Variants in GABRG3 observed in about 807,000 individuals in gnomAD.
GABRG3 encodes gamma-aminobutyric acid receptor subunit gamma-3.
A neutral mutation model predicts 48.8 loss-of-function variants in GABRG3; 25 were observed. The observed-to-expected ratio is 0.51, with a 90% confidence interval of 0.37 to 0.72. GABRG3 has a LOEUF of 0.72. Ranked by LOEUF, GABRG3 falls within the 30% of genes least tolerant of loss-of-function variation. The pLI is 0.00. For missense variants in GABRG3, 394 were observed against 577.9 expected (o/e 0.68, Z 3.26); for synonymous variants, 227 against 217.6 (o/e 1.04, Z -0.38).
intron 4 of GABRG3, 42 bp from the exon 5 acceptor site, chr15:27,328,764 G>A (rs182948702): frequency 2.5e-6 from 4 of 1,579,808 alleles, no homozygotes; most frequent in Non-Finnish European, 1.7e-6. Flanking sequence ...GCCTTGCCCT[G>A]TGCTGTGTGC....
intron 3 of GABRG3, among the ~76,000 whole-genome samples, chr15:27,132,046 G>A (rs1447692741): frequency 6.6e-6 from 1 of 152,032 alleles, no homozygotes; most frequent in Non-Finnish European, 1.5e-5. Flanking sequence ...CTTGTCAGAT[G>A]TATAATTTGC....
chr15:27,425,457 A>C (rs1352924178), intron 5 of GABRG3, among the ~76,000 whole-genome samples: 1 of 149,972 alleles, frequency 6.7e-6, no homozygotes, highest in African/African-American at 2.5e-5. Flanking sequence ...ACAAAAAAAA[A>C]AAAAAAAAAT....
At chr15:27,232,860 T>C (rs966678) in intron 3 of GABRG3, among the ~76,000 whole-genome samples, 48,817 of 152,114 alleles carry the variant, frequency 0.32, 10,336 homozygotes, top group African/African-American at 0.6. Context: ...GTTAAATTTG[T>C]TCCCGTGATC....
chr15:27,386,895 A>T (rs1406498055), intron 5 of GABRG3, among the ~76,000 whole-genome samples: 5 of 152,226 alleles, frequency 3.3e-5, no homozygotes, highest in Non-Finnish European at 7.3e-5. Context: ...TTTCAGAAAA[A>T]TGGAATCACA....
At chr15:27,219,366 C>G (rs911586103) in intron 3 of GABRG3, among the ~76,000 whole-genome samples, 7 of 152,330 alleles carry the variant, frequency 4.6e-5, no homozygotes, top group African/African-American at 1.7e-4. Flanking sequence ...CCCTCCCTTA[C>G]TCTGAGTCAG....
intron 3 of GABRG3, among the ~76,000 whole-genome samples, chr15:27,078,676 A>C (rs1336321171): frequency 1.3e-5 from 2 of 152,150 alleles, no homozygotes; most frequent in Non-Finnish European, 1.5e-5. Flanking sequence ...GGATAATAAG[A>C]GTGTCTTCTT....
intron 5 of GABRG3, chr15:27,420,615 A>G (rs969351855): frequency 3.3e-4 from 50 of 152,222 alleles, no homozygotes; most frequent in African/African-American, 1.2e-3. Context: ...ATCTTTTCAC[A>G]GTGTATACAT....
At chr15:27,530,923 G>A (rs1364183618) in intron 9 of GABRG3, 6 of 338,002 alleles carry the variant, frequency 1.8e-5, no homozygotes, top group East Asian at 7.8e-5. Flanking sequence ...TCTTTCAACC[G>A]GAGGTTGTCA....
At chr15:27,288,649 G>T (rs1316963659) in intron 3 of GABRG3, among the ~76,000 whole-genome samples, 1 of 151,628 alleles carries the variant, frequency 6.6e-6, no homozygotes, top group African/African-American at 2.4e-5. Context: ...GGAGGTGGAG[G>T]TTGCAGTGAG....
At chr15:27,500,859 C>T (rs536827719) in intron 6 of GABRG3, among the ~76,000 whole-genome samples, 1 of 150,480 alleles carries the variant, frequency 6.6e-6, no homozygotes, top group South Asian at 2.1e-4. Flanking sequence ...AAAAATTAAT[C>T]CAGGAATCTT....
At chr15:27,078,451 A>G (rs568845453) in intron 3 of GABRG3, among the ~76,000 whole-genome samples, 9 of 152,316 alleles carry the variant, frequency 5.9e-5, no homozygotes, top group Admixed American at 3.3e-4. Flanking sequence ...TAGCTCTTCT[A>G]TATGCTATGG....
intron 2 of GABRG3, among the ~76,000 whole-genome samples, chr15:26,992,689 TG>T (rs1895270766): frequency 6.6e-6 from 1 of 152,144 alleles, no homozygotes; most frequent in Admixed American, 6.5e-5. Flanking sequence ...TTTTTTTTGA[TG>T]TGTCTTTATT....
intron 5 of GABRG3, among the ~76,000 whole-genome samples, chr15:27,421,000 AAAG>A (rs796276471): frequency 8.1e-4 from 124 of 152,332 alleles, no homozygotes; most frequent in African/African-American, 2.8e-3. Context: ...AACAAACAAA[AAAG>A]AAACTCTTAA....
intron 2 of GABRG3, among the ~76,000 whole-genome samples, chr15:27,023,486 C>T (rs1336557162): frequency 2.6e-5 from 4 of 152,170 alleles, no homozygotes; most frequent in African/African-American, 9.7e-5. Context: ...TCCCCAGTCC[C>T]TGGAAACCAA....
intron 5 of GABRG3, among the ~76,000 whole-genome samples, chr15:27,458,839 G>C (rs1254419938): frequency 6.6e-6 from 1 of 152,216 alleles, no homozygotes; most frequent in Non-Finnish European, 1.5e-5. Flanking sequence ...CAGTCTTCTA[G>C]ATGAGCTCGG....
At chr15:27,520,207 C>G in intron 7 of GABRG3, 83 bp downstream of exon 7, 1 of 1,301,368 alleles carries the variant, frequency 7.7e-7, no homozygotes, top group Non-Finnish European at 1.1e-6. Flanking sequence ...ATGTAAAAGA[C>G]TATTTAAATG....
chr15:26,977,575 A>C (rs1894975331), intron 2 of GABRG3, among the ~76,000 whole-genome samples: 1 of 152,120 alleles, frequency 6.6e-6, no homozygotes, highest in African/African-American at 2.4e-5. Context: ...ACATGGAATC[A>C]TTGACCTTTT....
chr15:27,293,725 A>T (rs1183372267), intron 3 of GABRG3, among the ~76,000 whole-genome samples: 1 of 152,070 alleles, frequency 6.6e-6, no homozygotes, highest in Non-Finnish European at 1.5e-5. Flanking sequence ...GAGAGCTGGA[A>T]GGCACTTTAG....
At chr15:27,265,921 C>T (rs1303504861) in intron 3 of GABRG3, among the ~76,000 whole-genome samples, 1 of 115,458 alleles carries the variant, frequency 8.7e-6, no homozygotes, top group Non-Finnish European at 1.6e-5. Flanking sequence ...GCTCTTGTTG[C>T]TTAGGCTGGA....
Sources: gnomAD v4.1 joint callset for allele counts (sites outside exome capture counted in the v4.1 genomes callset) on GRCh38, gnomAD v4.1.1 for gene constraint, MANE v1.5 for transcripts, NCBI Gene and HGNC (gene_info 2026-07-23, HGNC 2026-07-21) for gene names.